The following ZNF683 variants were observed in gnomAD, a reference collection of about 807,000 sequenced individuals.
ZNF683 encodes the protein zinc finger protein 683.
A neutral mutation model predicts 31.4 loss-of-function variants in ZNF683; 20 were observed. The ratio of observed to expected loss-of-function variants is 0.64; its 90% confidence interval spans 0.45 to 0.93. ZNF683 has a LOEUF of 0.93. ZNF683 is among the 40% of genes least tolerant of loss of function. ZNF683 has a pLI of 0.00. For missense variants in ZNF683, 621 were observed against 637.2 expected (o/e 0.97, Z 0.27); for synonymous variants, 264 against 267.6 (o/e 0.99, Z 0.13).
At chr1:26,368,669 T>C (rs2074591134) in intron 1 of ZNF683, 84 bp from the exon 2 acceptor site, 13 of 1,423,764 alleles carry the variant, frequency 9.1e-6, no homozygotes, top group Non-Finnish European at 1.2e-5. Flanking sequence ...CCCATTAACA[T>C]GCTGCATGAC....
intron 1 of ZNF683, among the ~76,000 whole-genome samples, chr1:26,371,554 A>G (rs1343906979): frequency 6.6e-6 from 1 of 150,486 alleles, no homozygotes; most frequent in Non-Finnish European, 1.5e-5. Context: ...GAACTAGGAT[A>G]TTGCCACTGC....
intron 5 of ZNF683, chr1:26,362,237 A>C: frequency 1.3e-6 from 2 of 1,513,994 alleles, no homozygotes; most frequent in Non-Finnish European, 1.8e-6. Flanking sequence ...TGACCTTGTA[A>C]AAGTAACTTC....
chr1:26,363,959 T>C (rs1318145335), intron 4 of ZNF683, among the ~76,000 whole-genome samples: 1 of 152,192 alleles, frequency 6.6e-6, no homozygotes, highest in Admixed American at 6.5e-5. Flanking sequence ...AGCGCACAGT[T>C]TCCGCCCTTT....
intron 3 of ZNF683, among the ~76,000 whole-genome samples, chr1:26,365,717 A>G (rs1411154793): frequency 6.6e-6 from 1 of 152,216 alleles, no homozygotes; most frequent in African/African-American, 2.4e-5. Flanking sequence ...GCTATTCTAG[A>G]TAAAGAGTAC....
chr1:26,366,999 T>C (rs1490231044), intron 3 of ZNF683, among the ~76,000 whole-genome samples: 1 of 152,110 alleles, frequency 6.6e-6, no homozygotes, highest in African/African-American at 2.4e-5. Context: ...GCACAGTGGC[T>C]CACATCTATA....
chr1:26,365,310 G>C, intron 3 of ZNF683, 84 bp from the exon 4 acceptor site: 1 of 1,350,612 alleles, frequency 7.4e-7, no homozygotes, highest in East Asian at 2.5e-5. Flanking sequence ...GCTCGGGGCT[G>C]AGAAAGACCT....
At chr1:26,368,242 C>T (rs1312952002) in intron 2 of ZNF683, among the ~76,000 whole-genome samples, 1 of 152,240 alleles carries the variant, frequency 6.6e-6, no homozygotes, top group African/African-American at 2.4e-5. Flanking sequence ...ACGAGGCTTC[C>T]GCTTCTTATT....
chr1:26,368,152 G>A (rs1570264244), intron 2 of ZNF683, among the ~76,000 whole-genome samples: 2 of 152,200 alleles, frequency 1.3e-5, no homozygotes, highest in Non-Finnish European at 2.9e-5. Flanking sequence ...CCCCATCAAA[G>A]ACTATAAACT....
At position 26,365,027 on chromosome 1, in the gene ZNF683, G is replaced by T. The variant is rs996617939; in HGVS notation, c.519C>A (p.Cys173Ter). The T allele has an allele frequency of 2.5e-6, 4 of 1,590,846 alleles. No homozygotes were observed. Among genetic ancestry groups the T allele is most frequent in the Non-Finnish European group, 3.4e-6 (4 of 1,170,234 alleles). The change falls in exon 4 of 6, where the codon TGC (cysteine) becomes TGA (stop). Residue 173 changes from cysteine (C) to a stop codon, truncating the protein, a stop_gained. Coordinates refer to ENST00000349618, the MANE Select transcript of ZNF683 (RefSeq NM_001114759.3). LOFTEE classifies it high-confidence loss of function. ...AGATGGAGTTGACAGGGGGACAGGG[G>T]CAGAAAGCCAAGGGGCTGGGGCTCT... ...NRKSPSPLAFCPCPPVNSISK... is the reference protein window; with the variant it reads ...NRKSPSPLAF
chr1:26,365,304 G>T lies in ZNF683; in HGVS notation c.320-78C>A, dbSNP rs1188827736. On this transcript the variant is annotated intron_variant, in intron 3 of 5. Coordinates refer to ENST00000349618, the MANE Select transcript of ZNF683 (RefSeq NM_001114759.3). ...GTCCGCCATCAAACCTGCCCTGCTC[G>T]GGGCTGAGAAAGACCTCCAGCCTGC... 13 of 1,413,330 alleles carry T rather than the reference G, an allele frequency of 9.2e-6. No individual in the cohort carries two copies. The Admixed American group carries it at 1.0e-4, about 11-fold the overall frequency. The allele number at this position is 1,413,330 out of a possible 1,614,324, so 87.5% of individuals were successfully genotyped here.
Position 26,364,890 on chromosome 1 carries a change from A to T in ZNF683, c.656T>A (p.Leu219His). 6.5e-7 allele frequency: 1 copy of T among 1,544,372 alleles called. No homozygotes were observed. The highest frequency in any genetic ancestry group is 8.7e-7 in the Non-Finnish European group (1 of 1,147,986). ...GGAGGGGTCTTGGGGCAGCATGAGG[A>T]GGTGGGGACATTGGTCAGAAGGTAG... ...GALPSDQCPH[L>H]LMLPQDPSYP... Residue 219 changes from leucine to histidine, a missense_variant, in exon 4 of 6, where the codon CTC becomes CAC. Coordinates refer to ENST00000349618, the MANE Select transcript of ZNF683 (RefSeq NM_001114759.3).
chr1:26,367,670 T>C lies in ZNF683; in HGVS notation c.242A>G (p.Asp81Gly). ...CGGCTGTGGGGTGCACAGGTTCAGG[T>C]CCAGGTCCTGTAGGCAGGCCAGCAG... ...SALLACLQDL[D>G]LNLCTPQPAP... The change falls in exon 3 of 6, where the codon GAC becomes GGC. Residue 81 changes from aspartate to glycine, a missense_variant. Coordinates refer to ENST00000349618, the MANE Select transcript of ZNF683 (RefSeq NM_001114759.3). The C allele has an allele frequency of 6.2e-7, 1 of 1,612,680 alleles. No homozygotes were observed. Among genetic ancestry groups the C allele is most frequent in the South Asian group, 1.1e-5 (1 of 90,970 alleles).
Position 26,365,075 on chromosome 1 carries a change from G to A in ZNF683, c.471C>T (p.Ser157=), listed in dbSNP as rs2074487952. 1 of 1,607,184 alleles carries A rather than the reference G, an allele frequency of 6.2e-7. No homozygotes were observed. The highest frequency in any genetic ancestry group is 8.5e-7 in the Non-Finnish European group (1 of 1,176,866). Residue 157 remains serine, a synonymous_variant, in exon 4 of 6, where the codon TCC becomes TCT. Coordinates refer to ENST00000349618, the MANE Select transcript of ZNF683 (RefSeq NM_001114759.3). ...CPAFSSHNSS[S]PPPLQNRKSP... is the part of the protein sequence containing the mutation. ...TCTTTCTGTTCTGCAGCGGTGGTGG[G>A]GAAGAGCTGTTATGAGAGGAGAAGG...
At position 26,361,644 on chromosome 1, in the gene ZNF683, A is replaced by T. The variant is rs1354144672; in HGVS notation, c.*7T>A. ...GGAAGCCTCAAAGCATGACAGAAGA[A>T]ACATTTTTAATTGTTCTGGTCCTGC... is the stretch of plus-strand genomic sequence containing the variant. On this transcript the variant is annotated 3_prime_UTR_variant, in exon 6 of 6. Transcript: ENST00000349618. 3.8e-6 allele frequency: 6 copies of T among 1,592,270 alleles called. No homozygotes were observed. In the African/African-American group the frequency reaches 8.1e-5, roughly 21 times the overall value.
At chr1:26,370,853 C>T in intron 1 of ZNF683, 1 of 361,304 alleles carries the variant, frequency 2.8e-6, no homozygotes, top group Non-Finnish European at 3.9e-6. Context: ...GACAAGGGGG[C>T]ACTATCCACT....
chr1:26,363,343 A>G (rs1185967140), intron 4 of ZNF683, among the ~76,000 whole-genome samples, 189 bp from the exon 5 acceptor site: 3 of 152,176 alleles, frequency 2.0e-5, no homozygotes, highest in East Asian at 1.9e-4. Context: ...GCCAGGGGTA[A>G]GAGGTACCCC....
Position 26,367,755 on chromosome 1 carries a change from G to T in ZNF683, c.157C>A (p.His53Asn), listed in dbSNP as rs767490633. ...AGCCAGCTGGCACAGGATGGGCCAT[G>T]AGCATCCACCATGTCTGGAAGTGGT... is the stretch of plus-strand genomic sequence containing the variant. ...CRPLPDMVDAHGPSCASWLCP... is the reference protein window; with the variant it reads ...CRPLPDMVDANGPSCASWLCP... Residue 53 changes from histidine to asparagine, a missense_variant, in exon 3 of 6, where the codon CAT (histidine) becomes AAT (asparagine). Transcript: ENST00000349618. 23 of 1,607,176 alleles carry T rather than the reference G, an allele frequency of 1.4e-5. No individual in the cohort carries two copies. The South Asian group carries it at 2.4e-4, about 17-fold the overall frequency.
chr1:26,364,485 G>A (rs1206679081), intron 4 of ZNF683, 47 bp downstream of exon 4: 2 of 1,598,070 alleles, frequency 1.3e-6, no homozygotes, highest in South Asian at 1.1e-5. Flanking sequence ...TGCATGGGGG[G>A]CCCTGAAGGA....
rs368505976 is a variant in ZNF683 at position 26,364,891 on chromosome 1, G to T, written c.655C>A (p.Leu219Ile). 3.2e-6 allele frequency: 5 copies of T among 1,545,106 alleles called. No individual in the cohort carries two copies. The African/African-American group carries it at 6.9e-5, about 21-fold the overall frequency. The change falls in exon 4 of 6, where the codon CTC becomes ATC. Residue 219 changes from leucine (L) to isoleucine (I), a missense_variant. Transcript: ENST00000349618. ...GALPSDQCPHLLMLPQDPSYP... is the reference protein window; with the variant it reads ...GALPSDQCPHILMLPQDPSYP... Reference sequence around the variant, plus strand: ...GAGGGGTCTTGGGGCAGCATGAGGAGGTGGGGACATTGGTCAGAAGGTAGG... The same window carrying T: ...GAGGGGTCTTGGGGCAGCATGAGGATGTGGGGACATTGGTCAGAAGGTAGG...
Sources: allele counts gnomAD v4.1 joint callset (sites outside exome capture counted in the v4.1 genomes callset), GRCh38; gene constraint gnomAD v4.1.1; transcripts MANE v1.5; gene names NCBI Gene and HGNC (gene_info 2026-07-23, HGNC 2026-07-21).